RASGRF2: variants seen among roughly 807,000 people sequenced by gnomAD.
RASGRF2 encodes the protein ras-specific guanine nucleotide-releasing factor 2.
RASGRF2 carries 76 observed loss-of-function variants against 151.0 expected under a neutral mutation model. That is an observed-to-expected ratio of 0.50 (90% CI 0.42 to 0.61). RASGRF2 has a LOEUF of 0.61. RASGRF2 is among the 20% of genes least tolerant of loss of function. The probability of loss-of-function intolerance (pLI) is 0.00; values close to 1 mark genes in which losing one functional copy is unlikely to be tolerated. For missense variants in RASGRF2, 1,148 were observed against 1,564.6 expected, an observed-to-expected ratio of 0.73 and a Z score of 4.49; for synonymous variants, 504 against 566.5, an observed-to-expected ratio of 0.89 and a Z score of 1.57.
chr5:81,170,671 G>A (rs142650589), intron 17 of RASGRF2, among the ~76,000 whole-genome samples: 187 of 152,216 alleles, frequency 1.2e-3, no homozygotes, highest in African/African-American at 4.2e-3. Flanking sequence ...TCCCCAGCCC[G>A]AGCTAGCTAA....
chr5:81,196,521 T>G (rs1325467641), intron 18 of RASGRF2, among the ~76,000 whole-genome samples: 1 of 152,224 alleles, frequency 6.6e-6, no homozygotes, highest in Non-Finnish European at 1.5e-5. Flanking sequence ...CTCAGACCAG[T>G]CTTCCCAGAG....
intron 1 of RASGRF2, among the ~76,000 whole-genome samples, chr5:80,976,548 T>C (rs1246150443): frequency 6.6e-6 from 1 of 152,224 alleles, no homozygotes; most frequent in Non-Finnish European, 1.5e-5. Flanking sequence ...CTCTATGTGC[T>C]GGGTTCTGTG....
chr5:81,022,325 C>T (rs190552889), intron 1 of RASGRF2, among the ~76,000 whole-genome samples: 6 of 152,246 alleles, frequency 3.9e-5, no homozygotes, highest in East Asian at 1.9e-4. Flanking sequence ...TAGTTGGGAG[C>T]GTCCATCCCA....
intron 5 of RASGRF2, among the ~76,000 whole-genome samples, chr5:81,077,239 G>T (rs1751965464): frequency 1.3e-5 from 2 of 152,158 alleles, no homozygotes; most frequent in Non-Finnish European, 2.9e-5. Flanking sequence ...ACAGGGAAGG[G>T]ATGCAGCTAT....
intron 12 of RASGRF2, among the ~76,000 whole-genome samples, chr5:81,107,412 A>G (rs1752875569): frequency 6.6e-6 from 1 of 152,200 alleles, no homozygotes. Context: ...TCACTACATT[A>G]TTCAATATTT....
At chr5:80,993,555 C>T (rs1748722393) in intron 1 of RASGRF2, among the ~76,000 whole-genome samples, 1 of 152,154 alleles carries the variant, frequency 6.6e-6, no homozygotes, top group Non-Finnish European at 1.5e-5. Context: ...CTGACATTCT[C>T]AAACTGGGCA....
chr5:81,211,819 G>A (rs1024873682), intron 22 of RASGRF2, among the ~76,000 whole-genome samples: 2 of 152,196 alleles, frequency 1.3e-5, no homozygotes, highest in African/African-American at 4.8e-5. Context: ...AACTGCTGGT[G>A]AAGAATAAGA....
intron 1 of RASGRF2, among the ~76,000 whole-genome samples, chr5:80,985,955 A>G (rs1399058011): frequency 6.6e-6 from 1 of 151,748 alleles, no homozygotes; most frequent in Admixed American, 6.6e-5. Context: ...ATGTGTGTGT[A>G]AGCGTTTTAT....
chr5:81,123,649 A>G lies in RASGRF2; in HGVS notation c.2478A>G (p.Leu826=), dbSNP rs748563102. ...KLKRSIQKAV[L]ESAPADRAGV... ...CATGATGTTTTCAAGCAGCAGTCCT[A>G]GAGTCTGCACCAGCGGACCGAGCAG... The change falls in exon 16 of 27, where the codon CTA becomes CTG. Residue 826 remains leucine (L), a synonymous_variant. Coordinates refer to ENST00000265080, the MANE Select transcript of RASGRF2 (RefSeq NM_006909.3). The G allele has an allele frequency of 6.2e-7, 1 of 1,613,780 alleles. No individual in the cohort carries two copies. The highest frequency in any genetic ancestry group is 1.7e-5 in the Admixed American group (1 of 59,974).
intron 12 of RASGRF2, 141 bp from the exon 13 acceptor site, chr5:81,108,844 GTGTGTGTGTGT>G: frequency 3.4e-6 from 2 of 591,696 alleles, no homozygotes; most frequent in Admixed American, 4.3e-5. Context: ...CTGTGTGTGT[GTGTGTGTGTGT>G]GTGTGTGTGT....
rs561437435 is a variant in RASGRF2, at chr5:81,111,457, C to A, written c.1839-1153C>A. ...CAGGATGGCAGTGGTAGGTGCTATT[C>A]AGGGGAATATCTTACACCCATTACT... On this transcript the variant is annotated intron_variant, in intron 13 of 26. Coordinates refer to ENST00000265080, the MANE Select transcript of RASGRF2 (RefSeq NM_006909.3). Among the ~76,000 whole-genome samples, 5 of 152,248 alleles carry A rather than the reference C, an allele frequency of 3.3e-5. No homozygotes were observed. In the East Asian group the frequency reaches 9.7e-4, roughly 29 times the overall value.
intron 1 of RASGRF2, among the ~76,000 whole-genome samples, chr5:81,014,024 A>T (rs571854469): frequency 6.6e-6 from 1 of 152,094 alleles, no homozygotes; most frequent in South Asian, 2.1e-4. Flanking sequence ...TTTCCTATGG[A>T]TCGTCTTTTT....
chr5:81,074,497 G>A (rs139716165), intron 5 of RASGRF2, among the ~76,000 whole-genome samples: 3 of 152,142 alleles, frequency 2.0e-5, no homozygotes, highest in African/African-American at 4.8e-5. Context: ...CTTTCTATAC[G>A]TAATATCTGT....
intron 4 of RASGRF2, among the ~76,000 whole-genome samples, chr5:81,071,211 A>G (rs1347610808): frequency 6.6e-6 from 1 of 152,216 alleles, no homozygotes; most frequent in Non-Finnish European, 1.5e-5. Flanking sequence ...TGTTAATAAT[A>G]AGTGGAAAGC....
intron 1 of RASGRF2, among the ~76,000 whole-genome samples, chr5:81,031,282 G>A (rs1750236438): frequency 6.6e-6 from 1 of 152,150 alleles, no homozygotes; most frequent in Non-Finnish European, 1.5e-5. Context: ...ATTGAACTCA[G>A]CTCTGCACCA....
chr5:81,182,210 A>G (rs1010163007), intron 18 of RASGRF2, among the ~76,000 whole-genome samples: 1 of 152,210 alleles, frequency 6.6e-6, no homozygotes, highest in African/African-American at 2.4e-5. Context: ...TGATGTAAAT[A>G]GCTCAGGGAT....
At chr5:81,023,249 A>G (rs984638070) in intron 1 of RASGRF2, among the ~76,000 whole-genome samples, 12 of 152,206 alleles carry the variant, frequency 7.9e-5, no homozygotes, top group Non-Finnish European at 1.6e-4. Context: ...AAGAAGAGGA[A>G]CTTATTGTCA....
chr5:81,191,765 C>T (rs919173665), intron 18 of RASGRF2, among the ~76,000 whole-genome samples: 2 of 152,068 alleles, frequency 1.3e-5, no homozygotes, highest in Non-Finnish European at 2.9e-5. Flanking sequence ...CGATCTGATT[C>T]CGGGGTTGTG....
intron 2 of RASGRF2, among the ~76,000 whole-genome samples, chr5:81,043,206 A>G (rs1750733091): frequency 6.6e-6 from 1 of 152,220 alleles, no homozygotes; most frequent in Non-Finnish European, 1.5e-5. Context: ...TAGTAGTAGT[A>G]GTCACTTTTG....
Sources: gnomAD v4.1 joint callset for allele counts (sites outside exome capture counted in the v4.1 genomes callset) on GRCh38, gnomAD v4.1.1 for gene constraint, MANE v1.5 for transcripts, NCBI Gene and HGNC (gene_info 2026-07-23, HGNC 2026-07-21) for gene names.